Variants in GABRA1 observed in about 807,000 individuals in gnomAD.
GABRA1 encodes gamma-aminobutyric acid type A receptor subunit alpha1, also known as gamma-aminobutyric acid receptor subunit alpha-1.
In GABRA1, 9 loss-of-function variants were observed where a neutral mutation model predicts 48.9. That is an observed-to-expected ratio of 0.18 (90% CI 0.11 to 0.32). The LOEUF is 0.32. GABRA1 is among the 10% of genes least tolerant of loss of function. GABRA1 has a pLI of 1.00. For missense variants in GABRA1, 285 were observed against 553.8 expected (o/e 0.51, Z 4.87); for synonymous variants, 210 against 198.7 (o/e 1.06, Z -0.48).
At chr5:161,855,011 G>T (rs1757593114) in intron 3 of GABRA1, among the ~76,000 whole-genome samples, 2 of 151,286 alleles carry the variant, frequency 1.3e-5, no homozygotes, top group African/African-American at 2.4e-5. Context: ...TCAAAATATT[G>T]ATCTCAGAGT....
At chr5:161,882,099 T>G (rs760417752) in intron 6 of GABRA1, 4 of 188,610 alleles carry the variant, frequency 2.1e-5, no homozygotes, top group Non-Finnish European at 4.5e-5. Flanking sequence ...AAATGTTACC[T>G]CCTCAGAGAC....
intron 4 of GABRA1, among the ~76,000 whole-genome samples, chr5:161,872,481 T>C (rs1159857562): frequency 6.6e-6 from 1 of 152,074 alleles, no homozygotes; most frequent in Admixed American, 6.6e-5. Context: ...TTTGTTCTTT[T>C]TCTTTTTGAA....
rs775983590 is a variant in GABRA1, at chr5:161,897,548, A to G, written c.*126A>G. On this transcript the variant is annotated 3_prime_UTR_variant, in exon 10 of 10. Coordinates refer to ENST00000393943, the MANE Select transcript of GABRA1 (RefSeq NM_001127644.2). Reference sequence around the variant, plus strand: ...AATTTGAAAGTTTCCTTATTTTCATAATTCATTTAAGAACAAGAGACCCCT... The same window carrying G: ...AATTTGAAAGTTTCCTTATTTTCATGATTCATTTAAGAACAAGAGACCCCT... 16 of 963,262 alleles carry G rather than the reference A, an allele frequency of 1.7e-5. No individual in the cohort carries two copies. Among genetic ancestry groups the G allele is most frequent in the Admixed American group, 1.5e-4 (7 of 45,592 alleles). The allele number at this position is 963,262 out of a possible 1,614,324, so 59.7% of individuals were successfully genotyped here.
intron 4 of GABRA1, among the ~76,000 whole-genome samples, chr5:161,869,911 C>G (rs1249102192): frequency 6.6e-6 from 1 of 152,118 alleles, no homozygotes; most frequent in African/African-American, 2.4e-5. Context: ...TCTTACTTTC[C>G]TTAGATTTCC....
chr5:161,870,432 A>G (rs1754059083), intron 4 of GABRA1, among the ~76,000 whole-genome samples: 1 of 151,854 alleles, frequency 6.6e-6, no homozygotes, highest in Admixed American at 6.6e-5. Context: ...CTGGTGGCGC[A>G]TGCCTGTAAA....
At chr5:161,870,946 C>CTGTGTGTGTGTG (rs59726286) in intron 4 of GABRA1, among the ~76,000 whole-genome samples, 25 of 141,510 alleles carry the variant, frequency 1.8e-4, no homozygotes, top group African/African-American at 6.0e-4. Flanking sequence ...GAGTGTTGCT[C>CTGTGTGTGTGTG]TGTGTGTGTG....
rs1754198108 is a variant in GABRA1, at chr5:161,873,163, G to A, written c.302G>A (p.Arg101Lys). 1 of 1,613,776 alleles carries A rather than the reference G, an allele frequency of 6.2e-7. No homozygotes were observed. Among genetic ancestry groups the A allele is most frequent in the Non-Finnish European group, 8.5e-7 (1 of 1,179,734 alleles). ...VFFRQSWKDE[R>K]LKFKGPMTVL... is the part of the protein sequence containing the mutation. ...TTCCGTCAAAGCTGGAAGGATGAAA[G>A]GTTAAAATTTAAAGGACCTATGACA... is the stretch of plus-strand genomic sequence containing the variant. The change falls in exon 5 of 10, where the codon AGG (arginine) becomes AAG (lysine). Residue 101 changes from arginine (R) to lysine (K), a missense_variant. Physicochemically the swap from Arg to Lys is conservative, Grantham distance 26. This residue lies in a region of GABRA1 where 105 missense variants were observed against 267.4 expected (regional missense o/e 0.39). Transcript: ENST00000393943.
rs1054995150 is a variant in GABRA1 at position 161,873,889 on chromosome 5, C to A, written c.476+552C>A. Among the ~76,000 whole-genome samples the A allele has an allele frequency of 1.1e-4, 16 of 152,128 alleles. 1 individual carries two copies. The highest frequency in any genetic ancestry group is 2.9e-5 in the Non-Finnish European group (2 of 68,006). ...TTCTGTTTTATAAACATTTCCCTCT[C>A]TTTAAGATTGCTGTAAAGCTTAGCA... is the stretch of plus-strand genomic sequence containing the variant. On this transcript the variant is annotated intron_variant, in intron 5 of 9. Coordinates refer to ENST00000393943, the MANE Select transcript of GABRA1 (RefSeq NM_001127644.2).
At chr5:161,864,229 T>A (rs562643359) in intron 3 of GABRA1, among the ~76,000 whole-genome samples, 1 of 152,138 alleles carries the variant, frequency 6.6e-6, no homozygotes, top group South Asian at 2.1e-4. Flanking sequence ...ATACTTTAAG[T>A]TTTAGGGTAC....
At chr5:161,853,237 T>A (rs1757519913) in intron 2 of GABRA1, among the ~76,000 whole-genome samples, 1 of 151,830 alleles carries the variant, frequency 6.6e-6, no homozygotes, top group African/African-American at 2.4e-5. Context: ...AATACACAAT[T>A]TTTGAACTGA....
At chr5:161,880,456 A>G (rs1449600239) in intron 6 of GABRA1, among the ~76,000 whole-genome samples, 1 of 152,228 alleles carries the variant, frequency 6.6e-6, no homozygotes, top group Non-Finnish European at 1.5e-5. Flanking sequence ...TAATAGACAC[A>G]GTACTGCTAT....
At position 161,890,791 on chromosome 5, in the gene GABRA1, G is replaced by T. The variant is rs1474384407; in HGVS notation, c.704-107G>T. 13 of 1,003,394 alleles carry T rather than the reference G, an allele frequency of 1.3e-5. No individual in the cohort carries two copies. In the East Asian group the frequency reaches 3.1e-4, roughly 24 times the overall value. The allele number at this position is 1,003,394 out of a possible 1,614,324, so 62.2% of individuals were successfully genotyped here. On this transcript the variant is annotated intron_variant, in intron 7 of 9. Transcript: ENST00000393943. Reference sequence around the variant, plus strand: ...CTCCAAGAACTGGATGTCACATGGAGAAAGGATGTGTCTAATTCCCAGACC... The same window carrying T: ...CTCCAAGAACTGGATGTCACATGGATAAAGGATGTGTCTAATTCCCAGACC...
chr5:161,895,965 A>G, intron 9 of GABRA1, 97 bp downstream of exon 9: 1 of 987,966 alleles, frequency 1.0e-6, no homozygotes, highest in Non-Finnish European at 1.6e-6. Context: ...TGGAGTATGC[A>G]GAATAATAAG....
intron 6 of GABRA1, chr5:161,882,302 C>T (rs1239371535): frequency 9.7e-6 from 5 of 517,838 alleles, no homozygotes; most frequent in African/African-American, 1.9e-5. Context: ...CTTATATTCA[C>T]TACTGTATCC....
At chr5:161,890,349 A>G (rs559471699) in intron 7 of GABRA1, among the ~76,000 whole-genome samples, 2 of 152,308 alleles carry the variant, frequency 1.3e-5, no homozygotes, top group African/African-American at 4.8e-5. Context: ...TTTGAGAAAC[A>G]AAAGATTCTA....
chr5:161,883,694 G>C (rs937124579), intron 7 of GABRA1, among the ~76,000 whole-genome samples: 1 of 151,920 alleles, frequency 6.6e-6, no homozygotes, highest in Non-Finnish European at 1.5e-5. Flanking sequence ...TAAGAGGAGT[G>C]GTGATAAAAA....
chr5:161,860,142 T>C (rs1757797933), intron 3 of GABRA1, among the ~76,000 whole-genome samples: 1 of 151,876 alleles, frequency 6.6e-6, no homozygotes, highest in East Asian at 1.9e-4. Flanking sequence ...AGAATACCTT[T>C]TAACATTTAC....
intron 7 of GABRA1, among the ~76,000 whole-genome samples, chr5:161,883,740 C>T (rs1404412547): frequency 6.6e-6 from 1 of 152,054 alleles, no homozygotes; most frequent in Non-Finnish European, 1.5e-5. Context: ...TATTGGGACC[C>T]TCACAAGCAT....
chr5:161,870,956 G>C (rs1754091392), intron 4 of GABRA1, among the ~76,000 whole-genome samples: 1 of 68,218 alleles, frequency 1.5e-5, no homozygotes, highest in African/African-American at 3.2e-5. Context: ...CTGTGTGTGT[G>C]TGTGTGTGTG....
Sources: allele counts gnomAD v4.1 joint callset (sites outside exome capture counted in the v4.1 genomes callset), GRCh38; gene constraint gnomAD v4.1.1; regional missense constraint gnomAD v4.1.1; transcripts MANE v1.5; gene names NCBI Gene and HGNC (gene_info 2026-07-23, HGNC 2026-07-21).